Variants in GPHN observed in about 807,000 individuals in gnomAD.
The protein encoded by GPHN is gephyrin.
A neutral mutation model predicts 95.5 loss-of-function variants in GPHN; 17 were observed. The observed-to-expected ratio is 0.18, with a 90% CI of 0.12 to 0.27. The LOEUF is 0.27. Among genes scored for constraint, GPHN ranks in the 10% least tolerant of loss-of-function variants. The pLI, the probability that GPHN is intolerant of heterozygous loss-of-function variation, is 1.00. For missense variants in GPHN, 660 were observed against 978.1 expected, an observed-to-expected ratio of 0.67 and a Z score of 4.34; for synonymous variants, 320 against 322.5, an observed-to-expected ratio of 0.99 and a Z score of 0.08.
the GPHN span, among the ~76,000 whole-genome samples, chr14:67,496,799 T>TTGCC: frequency 2.0e-5 from 3 of 149,256 alleles, no homozygotes; most frequent in Admixed American, 2.0e-4. Context: ...TCTTTCTTTC[T>TTGCC]TGCTTGCTTG....
At chr14:66,600,361 A>G (rs939620384) in intron 1 of GPHN, among the ~76,000 whole-genome samples, 7 of 152,088 alleles carry the variant, frequency 4.6e-5, no homozygotes, top group Non-Finnish European at 1.0e-4. Context: ...TCTTAACTAT[A>G]TATTTGTCAG....
intron 18 of GPHN, among the ~76,000 whole-genome samples, chr14:67,157,614 A>G (rs1193196054): frequency 6.6e-6 from 1 of 152,172 alleles, no homozygotes; most frequent in Non-Finnish European, 1.5e-5. Flanking sequence ...GCTTGAGGCC[A>G]GGAGTTCAAG....
chr14:66,939,174 C>G (rs569582884), intron 8 of GPHN, among the ~76,000 whole-genome samples: 3 of 152,236 alleles, frequency 2.0e-5, no homozygotes, highest in Non-Finnish European at 2.9e-5. Context: ...GCAAAAAGTA[C>G]ACAAATTAGA....
rs894970266 is a variant in GPHN, at chr14:67,116,782, C to G, written c.1626+3611C>G. ...ATACAATTTGTAAACCTCTGTATTT[C>G]TAAACCAAATTCTTAAAGACTCCTT... On this transcript the variant is annotated intron_variant, in intron 16 of 22. Coordinates refer to ENST00000478722, the MANE Select transcript of GPHN (RefSeq NM_020806.5). 3.3e-5 allele frequency among the ~76,000 whole-genome samples: 5 copies of G among 152,216 alleles called. No homozygotes were observed. The South Asian group carries it at 1.0e-3, about 32-fold the overall frequency.
At chr14:67,030,000 T>C (rs971587467) in intron 10 of GPHN, among the ~76,000 whole-genome samples, 1 of 151,784 alleles carries the variant, frequency 6.6e-6, no homozygotes, top group Non-Finnish European at 1.5e-5. Context: ...TTTTTTTTTT[T>C]TTTTTGGCCC....
At chr14:67,179,765 G>C in intron 22 of GPHN, 91 bp downstream of exon 22, 2 of 773,014 alleles carry the variant, frequency 2.6e-6, no homozygotes, top group Non-Finnish European at 4.6e-6. Context: ...GACTGATTTT[G>C]TAATTATTAT....
downstream of GPHN, among the ~76,000 whole-genome samples, chr14:67,183,030 G>A (rs2083345196): frequency 6.6e-6 from 1 of 151,880 alleles, no homozygotes; most frequent in Admixed American, 6.6e-5. Flanking sequence ...GGGTCTTGAA[G>A]GAAGGTAGAA....
At chr14:67,582,487 C>T in the GPHN span, among the ~76,000 whole-genome samples, 5 of 152,126 alleles carry the variant, frequency 3.3e-5, no homozygotes, top group African/African-American at 1.2e-4. This position sits in a 1 kb window ranked among gnomAD's most constrained non-coding sequence, Gnocchi z 5.0. Flanking sequence ...AGTCACTTCA[C>T]TTCTCTATGC....
chr14:66,953,888 A>G (rs886506381), intron 8 of GPHN, among the ~76,000 whole-genome samples: 11 of 152,166 alleles, frequency 7.2e-5, no homozygotes, highest in Non-Finnish European at 1.5e-4. Flanking sequence ...CAAAAAAATT[A>G]GCTGGGCATA....
intron 16 of GPHN, among the ~76,000 whole-genome samples, chr14:67,114,820 A>G (rs1264530455): frequency 6.6e-6 from 1 of 152,222 alleles, no homozygotes; most frequent in East Asian, 1.9e-4. Flanking sequence ...TCAATTATCC[A>G]CAGAGTATAT....
the GPHN span, among the ~76,000 whole-genome samples, chr14:67,236,447 G>A: frequency 2.6e-5 from 4 of 152,016 alleles, no homozygotes; most frequent in Admixed American, 6.6e-5. Flanking sequence ...TTGTCTTATC[G>A]TGTCCTTTTT....
intron 4 of GPHN, among the ~76,000 whole-genome samples, chr14:66,868,560 A>T (rs188689632): frequency 3.3e-5 from 5 of 152,018 alleles, no homozygotes; most frequent in Non-Finnish European, 7.4e-5. Flanking sequence ...CGCCGGGCTA[A>T]TTTTTGTATT....
At chr14:67,573,320 G>A in the GPHN span, 1 of 1,613,870 alleles carries the variant, frequency 6.2e-7, no homozygotes, top group East Asian at 2.2e-5. The surrounding 1 kb of genome is among the most constrained non-coding windows in gnomAD (Gnocchi z 4.8). Flanking sequence ...TGGGGAGCCA[G>A]GTGAAGACGT....
the GPHN span, among the ~76,000 whole-genome samples, chr14:67,655,310 G>A: frequency 6.6e-6 from 1 of 151,994 alleles, no homozygotes; most frequent in South Asian, 2.1e-4. Context: ...CTGGGTGACA[G>A]AGCAAGACCC....
chr14:67,359,690 G>C, the GPHN span: 1 of 1,613,968 alleles, frequency 6.2e-7, no homozygotes, highest in African/African-American at 1.3e-5. Context: ...TTCGGTCTTT[G>C]CCCGACATTC....
intron 17 of GPHN, among the ~76,000 whole-genome samples, chr14:67,127,158 A>T (rs1194513090): frequency 6.6e-6 from 1 of 151,130 alleles, no homozygotes; most frequent in Admixed American, 6.6e-5. Flanking sequence ...ATGCTAGAAG[A>T]CGAGTTAGTG....
At chr14:67,412,624 C>T in the GPHN span, among the ~76,000 whole-genome samples, 1 of 152,034 alleles carries the variant, frequency 6.6e-6, no homozygotes, top group African/African-American at 2.4e-5. Flanking sequence ...TTGCAGGGCC[C>T]CCTGTCCGCA....
At chr14:66,660,217 C>T (rs540767988) in intron 1 of GPHN, among the ~76,000 whole-genome samples, 29 of 152,074 alleles carry the variant, frequency 1.9e-4, no homozygotes, top group Admixed American at 5.9e-4. Context: ...ATTTCTTGTA[C>T]GTACATATAG....
At chr14:66,623,116 C>T (rs1312728818) in intron 1 of GPHN, among the ~76,000 whole-genome samples, 1 of 152,140 alleles carries the variant, frequency 6.6e-6, no homozygotes, top group Non-Finnish European at 1.5e-5. Context: ...ACAATCATGG[C>T]AGAAGGCAAA....
Sources: allele counts gnomAD v4.1 joint callset (sites outside exome capture counted in the v4.1 genomes callset), GRCh38; gene constraint gnomAD v4.1.1; non-coding constraint Gnocchi (gnomAD v3.1); transcripts MANE v1.5; gene names NCBI Gene and HGNC (gene_info 2026-07-23, HGNC 2026-07-21).